Variants in BPTF observed in about 807,000 individuals in gnomAD.
The protein encoded by BPTF is nucleosome-remodeling factor subunit BPTF.
In BPTF, 18 loss-of-function variants were observed where a neutral mutation model predicts 292.5. The ratio of observed to expected loss-of-function variants is 0.06; its 90% CI spans 0.04 to 0.09. The LOEUF (loss-of-function observed/expected upper bound fraction) is 0.09. Among genes scored for constraint, BPTF ranks in the 10% least tolerant of loss-of-function variants. The pLI is 1.00. For synonymous variants in BPTF, 1,225 were observed against 1,251.9 expected, an observed-to-expected ratio of 0.98 and a Z score of 0.45; for missense variants, 2,726 against 3,498.7, an observed-to-expected ratio of 0.78 and a Z score of 5.57.
chr17:67,976,228 T>A (rs1291709071), intron 27 of BPTF, among the ~76,000 whole-genome samples: 1 of 152,152 alleles, frequency 6.6e-6, no homozygotes, highest in Non-Finnish European at 1.5e-5. Context: ...ATCCCAACAC[T>A]TTGGGAGGCC....
intron 11 of BPTF, 128 bp downstream of exon 11, chr17:67,913,315 G>C: frequency 7.2e-7 from 1 of 1,394,268 alleles, no homozygotes; most frequent in Non-Finnish European, 9.5e-7. Context: ...GCCAAAGATA[G>C]TAATGGAAAC....
intron 13 of BPTF, among the ~76,000 whole-genome samples, chr17:67,922,483 G>A (rs2063520148): frequency 6.6e-6 from 1 of 152,162 alleles, no homozygotes; most frequent in Non-Finnish European, 1.5e-5. Context: ...GGGTCCAGAG[G>A]ATGAATTGAC....
At position 67,920,067 on chromosome 17, in the gene BPTF, T is replaced by C; in HGVS notation, c.5481T>C (p.Val1827=). The C allele has an allele frequency of 6.2e-7, 1 of 1,611,590 alleles. No individual in the cohort carries two copies. Among genetic ancestry groups the C allele is most frequent in the Non-Finnish European group, 8.5e-7 (1 of 1,177,860 alleles). The stretch of plus-strand genomic sequence containing the variant: ...CAGAAATAATTAAGAGGAGAGATGT[T>C]GGTCCTTATGGCATTCGATCTGAAT... ...TTTEIIKRRD[V]GPYGIRSEYC... is the part of the protein sequence containing the mutation. Residue 1827 remains valine (V), a synonymous_variant, in exon 13 of 28, where the codon GTT becomes GTC. Transcript: ENST00000306378.
Position 67,912,796 on chromosome 17 carries a change from C to A in BPTF, c.4912C>A (p.Pro1638Thr), listed in dbSNP as rs2062738085. The A allele has an allele frequency of 6.2e-7, 1 of 1,614,030 alleles. No homozygotes were observed. The highest frequency in any genetic ancestry group is 1.7e-5 in the Admixed American group (1 of 59,988). Residue 1638 changes from proline to threonine, a missense_variant, in exon 11 of 28, where the codon CCC becomes ACC. Physicochemically the swap from Pro to Thr is conservative, Grantham distance 38. Around this residue, in one of 22 missense-constraint regions of BPTF, gnomAD observed 144 missense variants for 177.2 expected, o/e 0.81. Coordinates refer to ENST00000306378, the MANE Select transcript of BPTF (RefSeq NM_182641.4). ...TTTTVTKLST[P>T]STGGSVDIIS... is the part of the protein sequence containing the mutation. Reference sequence around the variant, plus strand: ...TACAACAGTGACCAAGCTTTCCACACCCTCCACAGGCGGCAGTGTGGACAT... The same window carrying A: ...TACAACAGTGACCAAGCTTTCCACAACCTCCACAGGCGGCAGTGTGGACAT...
intron 4 of BPTF, among the ~76,000 whole-genome samples, chr17:67,876,841 A>G (rs937232104): frequency 2.0e-4 from 30 of 152,172 alleles, no homozygotes; most frequent in African/African-American, 7.2e-4. Context: ...AAATATATTT[A>G]TATGAAAACA....
intron 1 of BPTF, among the ~76,000 whole-genome samples, chr17:67,835,543 T>C (rs2057056539): frequency 6.6e-6 from 1 of 152,252 alleles, no homozygotes. Context: ...GTGATGGTAT[T>C]GCATTTCTGC....
intron 4 of BPTF, among the ~76,000 whole-genome samples, chr17:67,885,310 C>T (rs944201613): frequency 6.6e-6 from 1 of 152,208 alleles, no homozygotes; most frequent in Admixed American, 6.5e-5. Flanking sequence ...CAGCTGGGCA[C>T]AGTGGCTCAC....
At chr17:67,883,148 A>G (rs1006268913) in intron 4 of BPTF, among the ~76,000 whole-genome samples, 1 of 152,000 alleles carries the variant, frequency 6.6e-6, no homozygotes, top group Non-Finnish European at 1.5e-5. Flanking sequence ...CCCTGTCTCT[A>G]CTAAAAATAC....
chr17:67,909,832 G>A, intron 10 of BPTF, 71 bp downstream of exon 10: 3 of 1,283,080 alleles, frequency 2.3e-6, no homozygotes, highest in South Asian at 2.2e-5. Flanking sequence ...CCCACCACAG[G>A]AAAGGTACTG....
At position 67,825,620 on chromosome 17, in the gene BPTF, G is replaced by GCCCGGCCCCGCGGGCCTCCCCA. The variant is rs1169918417; in HGVS notation, c.-94_-73dup. The GCCCGGCCCCGCGGGCCTCCCCA allele has an allele frequency of 9.7e-6, 2 of 206,042 alleles. No homozygotes were observed. Among genetic ancestry groups the GCCCGGCCCCGCGGGCCTCCCCA allele is most frequent in the Non-Finnish European group, 2.0e-5 (2 of 100,932 alleles). 12.8% of individuals were successfully genotyped at this position (206,042 alleles called of 1,614,324 possible). On this transcript the variant is annotated 5_prime_UTR_variant, in exon 1 of 28. Coordinates refer to ENST00000306378, the MANE Select transcript of BPTF (RefSeq NM_182641.4). ...CGCTTCCGTCGGCCGGGCCCCTCCCGCCCGGCCCCGCGGGCCTCCCCACCC... is the reference window on the plus strand; with the variant it reads ...CGCTTCCGTCGGCCGGGCCCCTCCCGCCCGGCCCCGCGGGCCTCCCCACCCGGCCCCGCGGGCCTCCCCACCC...
At chr17:67,927,384 A>C (rs1022486511) in intron 15 of BPTF, among the ~76,000 whole-genome samples, 2 of 152,218 alleles carry the variant, frequency 1.3e-5, no homozygotes, top group African/African-American at 4.8e-5. Context: ...GATATACAGA[A>C]TATCTTTAAT....
chr17:67,924,840 C>T lies in BPTF; in HGVS notation c.5751+251C>T, dbSNP rs569629347. 2.8e-4 allele frequency among the ~76,000 whole-genome samples: 42 copies of T among 152,158 alleles called. No individual in the cohort carries two copies. The South Asian group carries it at 7.9e-3, about 29-fold the overall frequency. On this transcript the variant is annotated intron_variant, in intron 15 of 27. Coordinates refer to ENST00000306378, the MANE Select transcript of BPTF (RefSeq NM_182641.4). ...GAGTAGATCACAGCTCACCGAGCCT[C>T]GACATCCCTGGTTCAAGCGGTCCTC...
At chr17:67,858,614 A>C (rs1484954500) in intron 2 of BPTF, among the ~76,000 whole-genome samples, 1 of 148,172 alleles carries the variant, frequency 6.7e-6, no homozygotes, top group African/African-American at 2.7e-5. Context: ...GTGGAAATTC[A>C]GTGATGCTGC....
Position 67,881,873 on chromosome 17 carries a change from T to G in BPTF, c.1864+6853T>G, listed in dbSNP as rs1488095511. Among the ~76,000 whole-genome samples, 305 of 132,592 alleles carry G rather than the reference T, an allele frequency of 2.3e-3. 8 individuals carry two copies. The highest frequency in any genetic ancestry group is 9.6e-3 in the African/African-American group (285 of 29,630). 87.0% of individuals were successfully genotyped at this position (132,592 alleles called of 152,430 possible). ...TTGGGTTTTTGTTTTTTTTTTTTTT[T>G]TTTTTTTTTTTGAGACAGGGTCTTG... On this transcript the variant is annotated intron_variant, in intron 4 of 27. Transcript: ENST00000306378.
chr17:67,831,254 A>G (rs1437859000), intron 1 of BPTF, among the ~76,000 whole-genome samples: 1 of 152,118 alleles, frequency 6.6e-6, no homozygotes, highest in Non-Finnish European at 1.5e-5. Context: ...GGAATGCATT[A>G]CATATGCCTC....
rs1384605896 is a variant in BPTF at position 67,928,503 on chromosome 17, C to G, written c.5900C>G (p.Thr1967Ser). 1 of 1,614,044 alleles carries G rather than the reference C, an allele frequency of 6.2e-7. No individual in the cohort carries two copies. The highest frequency in any genetic ancestry group is 1.3e-5 in the African/African-American group (1 of 74,922). ...SVTTGTKMVL[T>S]TKVGSPATVT... ...ACAACTGGAACCAAAATGGTACTAA[C>G]TACTAAAGTTGGATCTCCAGCTACA... The change falls in exon 16 of 28, where the codon ACT becomes AGT. Residue 1967 changes from threonine (T) to serine (S), a missense_variant. This residue lies in a region of BPTF where 198 missense variants were observed against 277.1 expected (regional missense o/e 0.71). Coordinates refer to ENST00000306378, the MANE Select transcript of BPTF (RefSeq NM_182641.4).
chr17:67,878,623 T>C (rs2060190544), intron 4 of BPTF, among the ~76,000 whole-genome samples: 2 of 152,182 alleles, frequency 1.3e-5, no homozygotes, highest in African/African-American at 4.8e-5. Flanking sequence ...GATATTTTAC[T>C]GTTCTTTGCA....
rs780062771 is a variant in BPTF, at chr17:67,874,980, C to G, written c.1824C>G (p.Asp608Glu). 6.2e-7 allele frequency: 1 copy of G among 1,613,606 alleles called. No homozygotes were observed. The highest frequency in any genetic ancestry group is 8.5e-7 in the Non-Finnish European group (1 of 1,179,820). Residue 608 changes from aspartate (D) to glutamate (E), a missense_variant, in exon 4 of 28, where the codon GAC becomes GAG. Coordinates refer to ENST00000306378, the MANE Select transcript of BPTF (RefSeq NM_182641.4). ...AGTCCCTTGAAAAAGACAGTGACGA[C>G]AAAACACCAGATGATGACCCTGAGC... ...EDQSLEKDSD[D>E]KTPDDDPEQG...
At chr17:67,896,129 AT>A (rs1443581032) in intron 7 of BPTF, among the ~76,000 whole-genome samples, 2 of 151,894 alleles carry the variant, frequency 1.3e-5, no homozygotes, top group African/African-American at 4.8e-5. Flanking sequence ...TGCCCAGCTA[AT>A]TTTTTGTATT....
Sources: allele counts gnomAD v4.1 joint callset (sites outside exome capture counted in the v4.1 genomes callset), GRCh38; gene constraint gnomAD v4.1.1; regional missense constraint gnomAD v4.1.1; transcripts MANE v1.5; gene names NCBI Gene and HGNC (gene_info 2026-07-23, HGNC 2026-07-21).